The following RAPGEF4 variants were observed in gnomAD, a reference collection of about 807,000 sequenced individuals.
RAPGEF4 encodes RAP guanine-nucleotide-exchange factor (GEF) 4.
In RAPGEF4, 66 loss-of-function variants were observed where a neutral mutation model predicts 147.9. That is an observed-to-expected ratio of 0.45 (90% confidence interval 0.37 to 0.55). The LOEUF (loss-of-function observed/expected upper bound fraction) is 0.55. Ranked by LOEUF, RAPGEF4 falls within the 20% of genes least tolerant of loss-of-function variation. The pLI is 0.00. For synonymous variants in RAPGEF4, 419 were observed against 442.7 expected (o/e 0.95, Z 0.67); for missense variants, 1,071 against 1,257.3 (o/e 0.85, Z 2.24).
At chr2:172,995,487 C>G (rs1032998821) in intron 15 of RAPGEF4, among the ~76,000 whole-genome samples, 14 of 152,098 alleles carry the variant, frequency 9.2e-5, no homozygotes, top group African/African-American at 3.4e-4. Flanking sequence ...ACCGTGTTGC[C>G]CAGGCTGGTT....
chr2:172,761,265 A>G (rs997472289), intron 1 of RAPGEF4, among the ~76,000 whole-genome samples: 1 of 151,902 alleles, frequency 6.6e-6, no homozygotes, highest in Non-Finnish European at 1.5e-5. Context: ...AGCTGGGATT[A>G]CAGGTGCCCA....
rs879883374 is a variant in RAPGEF4 at position 172,795,180 on chromosome 2, A to C, written c.208+13A>C. The C allele has an allele frequency of 3.8e-6, 6 of 1,593,896 alleles. No homozygotes were observed. The highest frequency in any genetic ancestry group is 1.7e-5 in the Admixed American group (1 of 59,918). On this transcript the variant is annotated intron_variant, in intron 2 of 30. Coordinates refer to ENST00000397081, the MANE Select transcript of RAPGEF4 (RefSeq NM_007023.4). Reference sequence around the variant, plus strand: ...AAGGGAATAACATGTAAGAAATGCAACTCTTGTAGTATATTTCCATGTATG... The same window carrying C: ...AAGGGAATAACATGTAAGAAATGCACCTCTTGTAGTATATTTCCATGTATG...
intron 4 of RAPGEF4, chr2:172,917,495 G>A (rs1684194705): frequency 3.2e-6 from 2 of 625,184 alleles, no homozygotes. Context: ...TTGTGTTTGT[G>A]GGGTTGGGGA....
intron 1 of RAPGEF4, among the ~76,000 whole-genome samples, chr2:172,785,339 T>C (rs543920626): frequency 1.1e-4 from 17 of 152,332 alleles, no homozygotes; most frequent in Non-Finnish European, 2.2e-4. Context: ...TTTTAGTATA[T>C]GTTTTTAAGC....
intron 10 of RAPGEF4, among the ~76,000 whole-genome samples, chr2:172,968,565 T>G (rs1690113075): frequency 6.6e-6 from 1 of 152,174 alleles, no homozygotes; most frequent in Non-Finnish European, 1.5e-5. Flanking sequence ...CCACACCATG[T>G]GTTTCAAAGG....
chr2:173,011,170 G>GCACACACACA (rs1553548086), intron 17 of RAPGEF4, among the ~76,000 whole-genome samples: 10 of 133,500 alleles, frequency 7.5e-5, no homozygotes, highest in Admixed American at 2.9e-4. Context: ...GCGCGCGCGC[G>GCACACACACA]CACACACACA....
intron 3 of RAPGEF4, 92 bp from the exon 4 acceptor site, chr2:172,814,187 G>A: frequency 7.6e-7 from 1 of 1,323,906 alleles, no homozygotes; most frequent in Non-Finnish European, 1.1e-6. Flanking sequence ...TGGGTGTTTT[G>A]CCTTGTACAA....
At chr2:172,839,275 T>G (rs906024889) in intron 4 of RAPGEF4, among the ~76,000 whole-genome samples, 10 of 151,962 alleles carry the variant, frequency 6.6e-5, no homozygotes, top group Non-Finnish European at 1.0e-4. Flanking sequence ...GAGTCTGCAG[T>G]GCAAAGTGAA....
chr2:172,805,462 A>G (rs1386302009), intron 3 of RAPGEF4, among the ~76,000 whole-genome samples: 1 of 152,200 alleles, frequency 6.6e-6, no homozygotes, highest in Non-Finnish European at 1.5e-5. Context: ...AACCTACTGC[A>G]ACACTCTTAC....
At chr2:172,782,466 G>A (rs1297743357) in intron 1 of RAPGEF4, among the ~76,000 whole-genome samples, 2 of 152,210 alleles carry the variant, frequency 1.3e-5, no homozygotes, top group African/African-American at 2.4e-5. Context: ...AAGACTGTCA[G>A]AAGGACCTGA....
At chr2:172,922,163 G>A in intron 5 of RAPGEF4, 118 bp from the exon 6 acceptor site, 2 of 925,284 alleles carry the variant, frequency 2.2e-6, no homozygotes, top group Non-Finnish European at 3.6e-6. Flanking sequence ...AGTTTTCACG[G>A]AAATGCAAAT....
chr2:172,746,720 C>T (rs1559019431), intron 1 of RAPGEF4, among the ~76,000 whole-genome samples: 1 of 151,946 alleles, frequency 6.6e-6, no homozygotes, highest in Non-Finnish European at 1.5e-5. Context: ...TCAAGCAATT[C>T]TCCTGCCCCA....
chr2:173,036,521 C>A, intron 28 of RAPGEF4, 107 bp from the exon 29 acceptor site: 1 of 880,414 alleles, frequency 1.1e-6, no homozygotes, highest in Non-Finnish European at 1.8e-6. Flanking sequence ...CTTTTTTCAA[C>A]TGTAGTGTTA....
rs1684577232 is a variant in RAPGEF4, at chr2:173,040,164, G to C, written c.2853+3472G>C. ...GATCACACCACTGCACTCCAGCCTG[G>C]ATGACAAGAGCAAGACTCCATCTCA... On this transcript the variant is annotated intron_variant, in intron 29 of 30. Transcript: ENST00000397081. Among the ~76,000 whole-genome samples the C allele has an allele frequency of 2.7e-5, 4 of 149,728 alleles. No homozygotes were observed. The South Asian group carries it at 8.4e-4, about 32-fold the overall frequency.
intron 15 of RAPGEF4, among the ~76,000 whole-genome samples, chr2:172,994,271 T>G (rs1446166930): frequency 2.0e-5 from 3 of 152,130 alleles, no homozygotes; most frequent in African/African-American, 7.2e-5. Flanking sequence ...CAAGCCCTCT[T>G]TAGAGGAAGG....
intron 4 of RAPGEF4, among the ~76,000 whole-genome samples, chr2:172,902,014 G>A (rs923405876): frequency 1.3e-5 from 2 of 152,176 alleles, no homozygotes; most frequent in Admixed American, 1.3e-4. Context: ...GTTGGGGAAG[G>A]CCACGCTGAG....
At chr2:172,852,058 CACA>C (rs1210979291) in intron 4 of RAPGEF4, among the ~76,000 whole-genome samples, 3 of 152,142 alleles carry the variant, frequency 2.0e-5, no homozygotes, top group African/African-American at 4.8e-5. Flanking sequence ...ATTTATAGAT[CACA>C]ACAAGTTATG....
intron 6 of RAPGEF4, among the ~76,000 whole-genome samples, chr2:172,948,933 A>G (rs1377791690): frequency 6.6e-6 from 1 of 152,204 alleles, no homozygotes; most frequent in Non-Finnish European, 1.5e-5. Context: ...ACAAACCTGC[A>G]TATGTACCCC....
At chr2:172,736,313 C>G (rs1253963634) in intron 1 of RAPGEF4, 1 of 280,528 alleles carries the variant, frequency 3.6e-6, no homozygotes, top group Admixed American at 5.3e-5. Context: ...CTCTCCAACC[C>G]CCTGCCCTGC....
Sources: allele counts gnomAD v4.1 joint callset (sites outside exome capture counted in the v4.1 genomes callset), GRCh38; gene constraint gnomAD v4.1.1; transcripts MANE v1.5; gene names NCBI Gene and HGNC (gene_info 2026-07-23, HGNC 2026-07-21).